The following WASL variants were observed in gnomAD, a reference collection of about 807,000 sequenced individuals.
WASL encodes actin nucleation-promoting factor WASL.
A neutral mutation model predicts 55.5 loss-of-function variants in WASL; 20 were observed. The ratio of observed to expected loss-of-function variants is 0.36; its 90% CI spans 0.25 to 0.52. The LOEUF (loss-of-function observed/expected upper bound fraction) is 0.52. WASL is among the 20% of genes least tolerant of loss of function. The pLI is 0.92. For missense variants in WASL, 504 were observed against 622.5 expected, an observed-to-expected ratio of 0.81 and a Z score of 2.03; for synonymous variants, 249 against 217.6, an observed-to-expected ratio of 1.14 and a Z score of -1.27.
intron 3 of WASL, 59 bp downstream of exon 3, chr7:123,706,665 TCTATAAATAATTTGGA>T: frequency 9.0e-7 from 1 of 1,110,472 alleles, no homozygotes; most frequent in Non-Finnish European, 1.3e-6. Flanking sequence ...TCAATAAGGT[TCTATAAATAATTTGGA>T]TTAGAAAAGG....
At chr7:123,742,011 A>C (rs1252824634) in intron 1 of WASL, among the ~76,000 whole-genome samples, 1 of 152,238 alleles carries the variant, frequency 6.6e-6, no homozygotes, top group African/African-American at 2.4e-5. Flanking sequence ...CTTTTTAAAA[A>C]AATAGTATAT....
chr7:123,734,295 C>T (rs1804189677), intron 1 of WASL, among the ~76,000 whole-genome samples: 1 of 152,052 alleles, frequency 6.6e-6, no homozygotes, highest in South Asian at 2.1e-4. Context: ...ATCAATAAGA[C>T]ATAAACACAC....
intron 10 of WASL, among the ~76,000 whole-genome samples, chr7:123,687,374 C>G (rs1439804541): frequency 6.6e-6 from 1 of 152,122 alleles, no homozygotes; most frequent in African/African-American, 2.4e-5. Context: ...CCTACTACTT[C>G]TTGTATTTCA....
chr7:123,702,790 G>T (rs1803613267), intron 5 of WASL, among the ~76,000 whole-genome samples: 1 of 152,178 alleles, frequency 6.6e-6, no homozygotes. Context: ...TATGTTGTTT[G>T]TATCGCAGAC....
intron 1 of WASL, among the ~76,000 whole-genome samples, chr7:123,746,980 T>C (rs1804442660): frequency 6.6e-6 from 1 of 152,240 alleles, no homozygotes; most frequent in South Asian, 2.1e-4. Context: ...ACATTCAAAG[T>C]GCTGAAGATT....
chr7:123,743,188 T>A (rs888701305), intron 1 of WASL, among the ~76,000 whole-genome samples: 1 of 151,980 alleles, frequency 6.6e-6, no homozygotes, highest in Non-Finnish European at 1.5e-5. Context: ...AATACAAAAA[T>A]TAGCCAGGGG....
chr7:123,692,386 T>G lies in WASL; in HGVS notation c.1308A>C (p.Ala436=). The change falls in exon 9 of 11, where the codon GCA becomes GCC. Residue 436 remains alanine, a synonymous_variant. Coordinates refer to ENST00000223023, the MANE Select transcript of WASL (RefSeq NM_003941.4). ...TACCCTGTCGTATCTGGTCTAACAG[T>G]GCATCTCGTCCAGAGCAGGACACTG... is the stretch of plus-strand genomic sequence containing the variant. ...SRPVSCSGRD[A]LLDQIRQGIQ... 1 of 1,614,052 alleles carries G rather than the reference T, an allele frequency of 6.2e-7. No homozygotes were observed. The highest frequency in any genetic ancestry group is 8.5e-7 in the Non-Finnish European group (1 of 1,180,020).
chr7:123,737,020 T>C (rs1018476397), intron 1 of WASL, among the ~76,000 whole-genome samples: 7 of 152,036 alleles, frequency 4.6e-5, no homozygotes, highest in Admixed American at 2.6e-4. Context: ...ATGAAAGAAA[T>C]AGAAGAAACT....
intron 10 of WASL, among the ~76,000 whole-genome samples, chr7:123,685,240 T>C (rs1803266904): frequency 6.6e-6 from 1 of 151,974 alleles, no homozygotes; most frequent in South Asian, 2.1e-4. Context: ...AGTCCTCCTG[T>C]GGCTACCACT....
chr7:123,717,195 A>C (rs1402077418), intron 1 of WASL, among the ~76,000 whole-genome samples: 2 of 152,206 alleles, frequency 1.3e-5, no homozygotes, highest in African/African-American at 4.8e-5. Flanking sequence ...GCATGAGAAA[A>C]AAAAACATGT....
At chr7:123,725,292 A>C (rs1052459001) in intron 1 of WASL, among the ~76,000 whole-genome samples, 2 of 152,204 alleles carry the variant, frequency 1.3e-5, no homozygotes, top group Admixed American at 1.3e-4. Flanking sequence ...ATTACTCAAT[A>C]AATATTAAGT....
At chr7:123,735,138 A>C (rs1483091912) in intron 1 of WASL, among the ~76,000 whole-genome samples, 1 of 151,856 alleles carries the variant, frequency 6.6e-6, no homozygotes, top group Non-Finnish European at 1.5e-5. Flanking sequence ...GACCAAAAAA[A>C]AAAAAAAAAA....
intron 1 of WASL, among the ~76,000 whole-genome samples, chr7:123,718,686 T>A (rs1343699672): frequency 6.6e-6 from 1 of 152,194 alleles, no homozygotes; most frequent in Non-Finnish European, 1.5e-5. Context: ...TGAACCACCA[T>A]GCCCAGCCCC....
At chr7:123,739,897 T>C (rs956269780) in intron 1 of WASL, among the ~76,000 whole-genome samples, 23 of 55,514 alleles carry the variant, frequency 4.1e-4, no homozygotes, top group Middle Eastern at 6.9e-3. Context: ...TGTGTGTGTG[T>C]GTGTGTGTGT....
intron 1 of WASL, among the ~76,000 whole-genome samples, chr7:123,713,880 T>C (rs1027907583): frequency 6.6e-6 from 1 of 152,174 alleles, no homozygotes; most frequent in Non-Finnish European, 1.5e-5. Context: ...AAAATACAGT[T>C]ATTAGCAGGA....
Position 123,683,238 on chromosome 7 carries a change from G to A in WASL, c.*1281C>T, listed in dbSNP as rs1345209116. On this transcript the variant is annotated 3_prime_UTR_variant, in exon 11 of 11. Coordinates refer to ENST00000223023, the MANE Select transcript of WASL (RefSeq NM_003941.4). ...TCTACCTAAAATTTAAAGTAGGTAG[G>A]TATGATAATTAGCATTATAAATATG... The A allele has an allele frequency of 4.6e-5, 7 of 151,978 alleles. No homozygotes were observed. The highest frequency in any genetic ancestry group is 1.7e-4 in the African/African-American group (7 of 41,378). The allele number at this position is 151,978 out of a possible 1,614,324, so 9.4% of individuals were successfully genotyped here.
Position 123,743,286 on chromosome 7 carries a change from G to A in WASL, c.117+5332C>T, listed in dbSNP as rs963797254. Among the ~76,000 whole-genome samples, 5 of 148,322 alleles carry A rather than the reference G, an allele frequency of 3.4e-5. No individual in the cohort carries two copies. In the South Asian group the frequency reaches 6.3e-4, roughly 19 times the overall value. On this transcript the variant is annotated intron_variant, in intron 1 of 10. Coordinates refer to ENST00000223023, the MANE Select transcript of WASL (RefSeq NM_003941.4). ...TGGGAGGCCGAGGTTGCAGTGAGCC[G>A]AGATCGTGCCACTGCACTCCCGCCT... is the stretch of plus-strand genomic sequence containing the variant.
At chr7:123,709,568 A>G (rs956714367) in intron 1 of WASL, among the ~76,000 whole-genome samples, 1 of 152,166 alleles carries the variant, frequency 6.6e-6, no homozygotes, top group African/African-American at 2.4e-5. Context: ...CCGACACTAA[A>G]GGGGTTAATT....
chr7:123,715,074 G>C (rs539495937), intron 1 of WASL, among the ~76,000 whole-genome samples: 1 of 152,188 alleles, frequency 6.6e-6, no homozygotes, highest in Non-Finnish European at 1.5e-5. Flanking sequence ...GTGATTTAAA[G>C]AGATAAACAG....
Sources: gnomAD v4.1 joint callset for allele counts (sites outside exome capture counted in the v4.1 genomes callset) on GRCh38, gnomAD v4.1.1 for gene constraint, MANE v1.5 for transcripts, NCBI Gene and HGNC (gene_info 2026-07-23, HGNC 2026-07-21) for gene names.